The following TBCK variants were observed in gnomAD, a reference collection of about 807,000 sequenced individuals.
The protein encoded by TBCK is TBC1 domain containing kinase.
TBCK carries 99 observed loss-of-function variants against 113.4 expected under a neutral mutation model. That is an observed-to-expected ratio of 0.87 (90% confidence interval 0.74 to 1.03). The LOEUF (loss-of-function observed/expected upper bound fraction) is 1.03, where lower values mean the gene tolerates loss of function less well. Ranked by LOEUF, TBCK falls within the 50% of genes least tolerant of loss-of-function variation. TBCK has a pLI of 0.00. For missense variants in TBCK, 1,045 were observed against 1,061.3 expected (o/e 0.98, Z 0.21); for synonymous variants, 369 against 370.8 (o/e 1.00, Z 0.05).
rs749412944 is a variant in TBCK, at chr4:106,138,697, C to T, written c.2236-22319G>A. ...GGTGTTGCTTTGCTACTAGGATATA[C>T]GTTTCTATTAATATCCAGAAATAAT... On this transcript the variant is annotated intron_variant, in intron 23 of 25. Transcript: ENST00000394708. Among the ~76,000 whole-genome samples the T allele has an allele frequency of 1.3e-4, 18 of 140,902 alleles. 3 individuals carry two copies. Among genetic ancestry groups the T allele is most frequent in the Non-Finnish European group, 1.3e-4 (8 of 62,018 alleles). The allele number at this position is 140,902 out of a possible 152,430, so 92.4% of individuals were successfully genotyped here.
chr4:106,258,491 G>GT (rs1172233726), intron 5 of TBCK, among the ~76,000 whole-genome samples: 1 of 151,834 alleles, frequency 6.6e-6, no homozygotes, highest in Non-Finnish European at 1.5e-5. Context: ...ATATTTTCTG[G>GT]TAAGACCCTT....
intron 25 of TBCK, among the ~76,000 whole-genome samples, chr4:106,069,371 A>G (rs1737083338): frequency 1.3e-5 from 2 of 152,196 alleles, no homozygotes; most frequent in Non-Finnish European, 2.9e-5. Context: ...ATGGCTAGCC[A>G]GTTTTCCCAG....
chr4:106,153,106 T>A (rs1748697662), intron 23 of TBCK, among the ~76,000 whole-genome samples: 1 of 152,064 alleles, frequency 6.6e-6, no homozygotes, highest in African/African-American at 2.4e-5. Flanking sequence ...TTCTAGTAAT[T>A]TTGGGTTTGG....
chr4:106,182,130 A>G (rs1372423596), intron 22 of TBCK, among the ~76,000 whole-genome samples: 1 of 152,128 alleles, frequency 6.6e-6, no homozygotes, highest in Non-Finnish European at 1.5e-5. Context: ...CTTAGTAGCA[A>G]TTGTGAATGG....
intron 3 of TBCK, among the ~76,000 whole-genome samples, chr4:106,290,720 G>A (rs939167839): frequency 6.6e-6 from 1 of 152,214 alleles, no homozygotes; most frequent in Non-Finnish European, 1.5e-5. Context: ...CGCAGCAAGA[G>A]GTGTGCAGCA....
intron 23 of TBCK, among the ~76,000 whole-genome samples, chr4:106,135,698 A>G (rs1746476825): frequency 7.1e-6 from 1 of 141,732 alleles, no homozygotes; most frequent in African/African-American, 2.5e-5. Flanking sequence ...GTTACTGAAT[A>G]CCTATTAGGT....
rs1381093478 is a variant in TBCK, at chr4:106,243,783, G to T, written c.1070+843C>A. On this transcript the variant is annotated intron_variant, in intron 11 of 25. Transcript: ENST00000394708. Reference sequence around the variant, plus strand: ...CTCACTGCAGCCTCAACTTCCCTGGGCTCAGGTGATTCTCCCACCTGCAGC... The same window carrying T: ...CTCACTGCAGCCTCAACTTCCCTGGTCTCAGGTGATTCTCCCACCTGCAGC... Among the ~76,000 whole-genome samples, 5 of 152,106 alleles carry T rather than the reference G, an allele frequency of 3.3e-5. No homozygotes were observed. The East Asian group carries it at 9.7e-4, about 29-fold the overall frequency.
intron 2 of TBCK, among the ~76,000 whole-genome samples, chr4:106,296,778 G>A (rs1190718676): frequency 6.6e-6 from 1 of 151,744 alleles, no homozygotes; most frequent in African/African-American, 2.4e-5. Context: ...AGAGAGAGAG[G>A]TGAGCAGGAA....
intron 19 of TBCK, among the ~76,000 whole-genome samples, chr4:106,228,337 C>T (rs1021765864): frequency 1.7e-5 from 2 of 116,090 alleles, no homozygotes; most frequent in South Asian, 2.7e-4. Context: ...TTTATTCTTT[C>T]GGTTATTTTT....
intron 22 of TBCK, among the ~76,000 whole-genome samples, chr4:106,182,103 C>T (rs572151016): frequency 6.6e-4 from 101 of 152,112 alleles, no homozygotes; most frequent in Non-Finnish European, 1.4e-3. Context: ...AAGTTGGATT[C>T]CTAGGTATTT....
intron 3 of TBCK, among the ~76,000 whole-genome samples, chr4:106,267,832 A>C (rs1763127229): frequency 6.6e-6 from 1 of 151,982 alleles, no homozygotes; most frequent in East Asian, 1.9e-4. Flanking sequence ...TTCATGATTA[A>C]ATCGTCCATA....
intron 22 of TBCK, among the ~76,000 whole-genome samples, chr4:106,191,248 G>C (rs1464974757): frequency 6.6e-6 from 1 of 152,170 alleles, no homozygotes. Context: ...AGGGACTTGA[G>C]CATTTGTGGA....
At chr4:106,198,883 A>T (rs1054460775) in intron 20 of TBCK, among the ~76,000 whole-genome samples, 40 of 152,152 alleles carry the variant, frequency 2.6e-4, no homozygotes, top group African/African-American at 9.2e-4. Flanking sequence ...GTTCTGGTAT[A>T]AGGTAATGGC....
rs553656613 is a variant in TBCK, at chr4:106,101,382, T to C, written c.2412-5741A>G. Among the ~76,000 whole-genome samples the C allele has an allele frequency of 9.1e-4, 139 of 152,300 alleles. 1 individual carries two copies. In the South Asian group the frequency reaches 0.028, roughly 31 times the overall value. On this transcript the variant is annotated intron_variant, in intron 24 of 25. Coordinates refer to ENST00000394708, the MANE Select transcript of TBCK (RefSeq NM_001163435.3). ...GAATACAATTGGATGGAAATTTTAA[T>C]TTAGATAGATTGAACCTAAGCCCAA...
At chr4:106,125,711 G>A (rs776040934) in intron 23 of TBCK, among the ~76,000 whole-genome samples, 1 of 152,232 alleles carries the variant, frequency 6.6e-6, no homozygotes, top group Middle Eastern at 3.4e-3. Context: ...TGGACAGGGT[G>A]GGTTTGGGAC....
intron 22 of TBCK, among the ~76,000 whole-genome samples, chr4:106,186,955 C>T (rs755463543): frequency 9.9e-5 from 15 of 152,140 alleles, no homozygotes; most frequent in Non-Finnish European, 2.1e-4. Flanking sequence ...CTTCTGCATA[C>T]AGCTAGCTAG....
intron 3 of TBCK, among the ~76,000 whole-genome samples, chr4:106,278,559 A>C (rs1044144403): frequency 9.0e-5 from 7 of 77,812 alleles, no homozygotes; most frequent in Admixed American, 1.4e-4. Context: ...ACTCTGTCTC[A>C]AAAAAAAAAA....
chr4:106,115,110 A>T (rs1363469926), intron 24 of TBCK, among the ~76,000 whole-genome samples: 1 of 152,242 alleles, frequency 6.6e-6, no homozygotes, highest in African/African-American at 2.4e-5. Context: ...AAAGTCTGTA[A>T]ATGTGTAATT....
chr4:106,119,029 AAAT>A (rs1351695961), intron 23 of TBCK, among the ~76,000 whole-genome samples: 2 of 152,200 alleles, frequency 1.3e-5, no homozygotes, highest in African/African-American at 4.8e-5. Context: ...TTTATGAAGA[AAAT>A]AATTACAATA....
Sources: allele counts gnomAD v4.1 joint callset (sites outside exome capture counted in the v4.1 genomes callset), GRCh38; gene constraint gnomAD v4.1.1; transcripts MANE v1.5; gene names NCBI Gene and HGNC (gene_info 2026-07-23, HGNC 2026-07-21).